The following PLXDC1 variants were observed in gnomAD, a reference collection of about 807,000 sequenced individuals.
PLXDC1 encodes the protein plexin domain-containing protein 1.
PLXDC1 carries 39 observed loss-of-function variants against 61.3 expected under a neutral mutation model. The ratio of observed to expected loss-of-function variants is 0.64; its 90% CI spans 0.49 to 0.83. The LOEUF is 0.83. Ranked by LOEUF, PLXDC1 falls within the 40% of genes least tolerant of loss-of-function variation. PLXDC1 has a pLI of 0.00. For missense variants in PLXDC1, 596 were observed against 666.5 expected, an observed-to-expected ratio of 0.89 and a Z score of 1.17; for synonymous variants, 212 against 254.5, an observed-to-expected ratio of 0.83 and a Z score of 1.59.
intron 9 of PLXDC1, chr17:39,079,688 C>A: frequency 2.5e-6 from 1 of 393,494 alleles, no homozygotes; most frequent in South Asian, 1.9e-5. Flanking sequence ...GACAGCTCAG[C>A]TGGGCTGGAA....
rs1909792582 is a variant in PLXDC1 at position 39,087,667 on chromosome 17, T to C, written c.847A>G (p.Ile283Val). 7 of 1,614,068 alleles carry C rather than the reference T, an allele frequency of 4.3e-6. No homozygotes were observed. Among genetic ancestry groups the C allele is most frequent in the Non-Finnish European group, 5.1e-6 (6 of 1,179,974 alleles). Residue 283 changes from isoleucine to valine, a missense_variant, in exon 8 of 14, where the codon ATA becomes GTA. Transcript: ENST00000315392. Reference protein sequence around the residue: ...RRRSIFEYHRIELDPSKVTSM... With the variant: ...RRRSIFEYHRVELDPSKVTSM... ...GTGACCTTGCTGGGGTCCAGCTCTA[T>C]GCGGTGATATTCAAAGATGCTCCTT...
chr17:39,121,918 G>A (rs905386420), intron 2 of PLXDC1, among the ~76,000 whole-genome samples: 5 of 151,870 alleles, frequency 3.3e-5, no homozygotes, highest in Non-Finnish European at 7.4e-5. Flanking sequence ...CCAACATGGC[G>A]AAACCCCATC....
At position 39,105,927 on chromosome 17, in the gene PLXDC1, G is replaced by A. The variant is rs114059806; in HGVS notation, c.738C>T (p.Ser246=). 1.0e-4 allele frequency: 162 copies of A among 1,613,870 alleles called. 1 individual carries two copies. The East Asian group carries it at 3.5e-3, about 35-fold the overall frequency. ...CGGTTTTGACAGGATGCTGGGAGGAGCTGATTTCCGGGACAGACATAGGGA... is the reference window on the plus strand; with the variant it reads ...CGGTTTTGACAGGATGCTGGGAGGAACTGATTTCCGGGACAGACATAGGGA... The part of the protein sequence containing the change: ...KEIPMSVPEI[S]SSQHPVKTGL... Residue 246 remains serine, a synonymous_variant, in exon 7 of 14, where the codon AGC becomes AGT. Coordinates refer to ENST00000315392, the MANE Select transcript of PLXDC1 (RefSeq NM_020405.5).
At chr17:39,068,143 C>T (rs1908968312) in intron 13 of PLXDC1, among the ~76,000 whole-genome samples, 184 bp from the exon 14 acceptor site, 1 of 152,204 alleles carries the variant, frequency 6.6e-6, no homozygotes, top group Non-Finnish European at 1.5e-5. Flanking sequence ...GCTGTGATCC[C>T]CCAACCACTG....
chr17:39,120,491 G>T (rs1911126898), intron 2 of PLXDC1, among the ~76,000 whole-genome samples: 1 of 152,136 alleles, frequency 6.6e-6, no homozygotes, highest in South Asian at 2.1e-4. Flanking sequence ...GACTCTGGCA[G>T]ATCATACGAT....
chr17:39,087,745 C>T, intron 7 of PLXDC1, 43 bp from the exon 8 acceptor site: 2 of 1,469,018 alleles, frequency 1.4e-6, no homozygotes, highest in Middle Eastern at 1.7e-4. Flanking sequence ...ATATCACAGG[C>T]AGAGGGCATC....
At chr17:39,128,097 G>GTGTGTGTGTATATATATA in intron 2 of PLXDC1, among the ~76,000 whole-genome samples, 1 of 67,500 alleles carries the variant, frequency 1.5e-5, no homozygotes, top group Middle Eastern at 9.3e-3. Flanking sequence ...CTCTCTATGT[G>GTGTGTGTGTATATATATA]TATATATATA....
chr17:39,097,895 C>A (rs895503151), intron 7 of PLXDC1, among the ~76,000 whole-genome samples: 1 of 119,028 alleles, frequency 8.4e-6, no homozygotes, highest in Admixed American at 8.8e-5. Flanking sequence ...GAGCAAGACC[C>A]TGTCTATAAA....
Position 39,128,117 on chromosome 17 carries a change from A to ATATATATATATG in PLXDC1, c.255+11536_255+11537insCATATATATATA, listed in dbSNP as rs1419979117. ...TATGTGTATATATATATATATATGT[A>ATATATATATATG]TATATATATGTGTATATATATGTAT... On this transcript the variant is annotated intron_variant, in intron 2 of 13. Coordinates refer to ENST00000315392, the MANE Select transcript of PLXDC1 (RefSeq NM_020405.5). 6.1e-3 allele frequency among the ~76,000 whole-genome samples: 592 copies of ATATATATATATG among 96,388 alleles called. 33 individuals are homozygous for ATATATATATATG. The highest frequency in any genetic ancestry group is 0.023 in the African/African-American group (449 of 19,644). The allele number at this position is 96,388 out of a possible 152,430, so 63.2% of individuals were successfully genotyped here.
rs1909799179 is a variant in PLXDC1 at position 39,087,770 on chromosome 17, G to C, written c.812-68C>G. 3 of 1,090,152 alleles carry C rather than the reference G, an allele frequency of 2.8e-6. No individual in the cohort carries two copies. In the East Asian group the frequency reaches 7.5e-5, roughly 27 times the overall value. 67.5% of individuals were successfully genotyped at this position (1,090,152 alleles called of 1,614,324 possible). On this transcript the variant is annotated intron_variant, in intron 7 of 13. Transcript: ENST00000315392. ...CAGAGGGCATCGAGGCCTCTTCCCG[G>C]ACAGTCTGACAGGTCAGCCTGCTGC...
chr17:39,148,335 C>G (rs1597663870), intron 1 of PLXDC1, among the ~76,000 whole-genome samples: 1 of 152,198 alleles, frequency 6.6e-6, no homozygotes, highest in East Asian at 1.9e-4. Context: ...TTCCGAGTAC[C>G]TGGGACTACA....
chr17:39,080,918 T>C (rs1909533017), intron 9 of PLXDC1: 1 of 152,296 alleles, frequency 6.6e-6, no homozygotes, highest in Non-Finnish European at 1.5e-5. Context: ...TAAATGGGGG[T>C]TGTGTTGATG....
chr17:39,082,528 G>A (rs989390352), intron 9 of PLXDC1, among the ~76,000 whole-genome samples: 2 of 148,088 alleles, frequency 1.4e-5, no homozygotes, highest in Non-Finnish European at 3.0e-5. Context: ...TCACACCATT[G>A]TACTCCAGCC....
At chr17:39,078,758 G>A (rs1035521000) in intron 10 of PLXDC1, among the ~76,000 whole-genome samples, 5 of 152,200 alleles carry the variant, frequency 3.3e-5, no homozygotes, top group Non-Finnish European at 7.3e-5. Flanking sequence ...CTTAGCAGGT[G>A]CATCATTAAG....
chr17:39,145,907 A>G (rs2045338279), intron 1 of PLXDC1, among the ~76,000 whole-genome samples: 1 of 152,126 alleles, frequency 6.6e-6, no homozygotes, highest in Non-Finnish European at 1.5e-5. Context: ...TGACACTTTA[A>G]CAAAATCATA....
At chr17:39,112,572 C>T (rs915276675) in intron 2 of PLXDC1, among the ~76,000 whole-genome samples, 1 of 150,476 alleles carries the variant, frequency 6.6e-6, no homozygotes, top group African/African-American at 2.5e-5. Context: ...ATTATTATGC[C>T]TCAGCCTCCC....
At chr17:39,117,728 C>T (rs1350055899) in intron 2 of PLXDC1, among the ~76,000 whole-genome samples, 3 of 152,152 alleles carry the variant, frequency 2.0e-5, no homozygotes, top group Non-Finnish European at 4.4e-5. Context: ...GGCAACAGAG[C>T]AAGACATTGT....
At chr17:39,140,506 C>G (rs1911903263) in intron 1 of PLXDC1, among the ~76,000 whole-genome samples, 1 of 152,182 alleles carries the variant, frequency 6.6e-6, no homozygotes. Flanking sequence ...GAGGTTTCAC[C>G]GTGTTAGCCA....
intron 1 of PLXDC1, among the ~76,000 whole-genome samples, 172 bp from the exon 2 acceptor site, chr17:39,140,004 C>G (rs1268870746): frequency 6.6e-6 from 1 of 152,204 alleles, no homozygotes; most frequent in Non-Finnish European, 1.5e-5. Context: ...AGTCACGTGC[C>G]CAGCTCCAGG....
Sources: allele counts gnomAD v4.1 joint callset (sites outside exome capture counted in the v4.1 genomes callset), GRCh38; gene constraint gnomAD v4.1.1; transcripts MANE v1.5; gene names NCBI Gene and HGNC (gene_info 2026-07-23, HGNC 2026-07-21).